NUP188: variants seen among roughly 807,000 people sequenced by gnomAD.
NUP188 encodes the protein nucleoporin 188.
NUP188 carries 97 observed loss-of-function variants against 223.0 expected under a neutral mutation model. The ratio of observed to expected loss-of-function variants is 0.43; its 90% CI spans 0.37 to 0.51. The LOEUF is 0.51. NUP188 is among the 20% of genes least tolerant of loss of function. The pLI, the probability that NUP188 is intolerant of heterozygous loss-of-function variation, is 0.00. For missense variants in NUP188, 1,947 were observed against 2,175.6 expected (o/e 0.89, Z 2.09); for synonymous variants, 869 against 828.0 (o/e 1.05, Z -0.85).
At chr9:128,975,819 A>T (rs370676771) in intron 12 of NUP188, among the ~76,000 whole-genome samples, 1 of 142,482 alleles carries the variant, frequency 7.0e-6, no homozygotes, top group Non-Finnish European at 1.5e-5. Flanking sequence ...CACCAGGCCT[A>T]TGTTTATTTT....
chr9:128,973,074 G>T, intron 11 of NUP188, 86 bp from the exon 12 acceptor site: 1 of 698,782 alleles, frequency 1.4e-6, no homozygotes, highest in East Asian at 2.9e-5. Context: ...TGTTTACAAA[G>T]AATATATGAA....
chr9:128,952,838 A>T lies in NUP188; in HGVS notation c.153A>T (p.Lys51Asn). The change falls in exon 3 of 44, where the codon AAA becomes AAT. Residue 51 changes from lysine to asparagine, a missense_variant. Lys to Asn is a moderately conservative substitution (Grantham distance 94). Coordinates refer to ENST00000372577, the MANE Select transcript of NUP188 (RefSeq NM_015354.3). ...TGTTAGAGGGGCTTTCTTACTACAA[A>T]CCTCCCAGGTATGGCAGTTCCGGGT... is the stretch of plus-strand genomic sequence containing the variant. ...RRLLEGLSYY[K>N]PPSPSSAEKV... is the part of the protein sequence containing the mutation. 6.2e-7 allele frequency: 1 copy of T among 1,613,316 alleles called. No homozygotes were observed. The highest frequency in any genetic ancestry group is 1.7e-4 in the Middle Eastern group (1 of 6,060).
chr9:128,986,525 G>A (rs1842335268), intron 20 of NUP188, 33 bp from the exon 21 acceptor site: 1 of 1,602,750 alleles, frequency 6.2e-7, no homozygotes, highest in Middle Eastern at 1.7e-4. Context: ...TTCCTTAAAT[G>A]TGCGGAAGTC....
chr9:128,952,674 G>A (rs181186892), intron 2 of NUP188, 99 bp from the exon 3 acceptor site: 10 of 968,852 alleles, frequency 1.0e-5, no homozygotes, highest in African/African-American at 1.6e-5. Flanking sequence ...AGTCAGCCAA[G>A]TTGGTGCCAC....
intron 6 of NUP188, 128 bp downstream of exon 6, chr9:128,958,182 A>G (rs1841897583): frequency 1.5e-6 from 1 of 662,028 alleles, no homozygotes; most frequent in Non-Finnish European, 2.6e-6. Flanking sequence ...ATGAAGAAGC[A>G]TATTAACTCA....
At chr9:128,967,112 A>G (rs1242211534) in intron 8 of NUP188, among the ~76,000 whole-genome samples, 1 of 151,704 alleles carries the variant, frequency 6.6e-6, no homozygotes, top group Non-Finnish European at 1.5e-5. Context: ...AGCTCAAGTG[A>G]CTCTCCTGCC....
rs766446813 is a variant in NUP188, at chr9:128,986,789, C to CT, written c.2198-19dup. On this transcript the variant is annotated intron_variant, in intron 21 of 43. Transcript: ENST00000372577. ...CATTTCACAAGGCCACATCATTCCT[C>CT]TGTCTTTTCTGGAGTCCAGGTTGCC... The CT allele has an allele frequency of 3.7e-6, 6 of 1,613,962 alleles. No individual in the cohort carries two copies. The highest frequency in any genetic ancestry group is 1.7e-5 in the Admixed American group (1 of 60,000).
In NUP188 at chr9:128,993,578, T is replaced by C; in HGVS notation, c.2901T>C (p.Asp967=). The change falls in exon 27 of 44, where the codon GAT becomes GAC. Residue 967 remains aspartate (D), a synonymous_variant. Coordinates refer to ENST00000372577, the MANE Select transcript of NUP188 (RefSeq NM_015354.3). ...SCLHAVLELI[D]SQQQDRYWCP... ...TCCATGCAGTGCTGGAGCTGATTGA[T>C]TCCCAACAGCAAGATCGATACTGGT... 1 of 1,614,176 alleles carries C rather than the reference T, an allele frequency of 6.2e-7. No individual in the cohort carries two copies. Among genetic ancestry groups the C allele is most frequent in the Non-Finnish European group, 8.5e-7 (1 of 1,180,014 alleles).
At chr9:128,979,385 CT>C in intron 13 of NUP188, 58 bp downstream of exon 13, 1 of 1,309,634 alleles carries the variant, frequency 7.6e-7, no homozygotes. Flanking sequence ...CACTTGTTTT[CT>C]TACAGGTTTT....
rs754455830 is a variant in NUP188 at position 128,956,337 on chromosome 9, G to A, written c.162-13G>A. On this transcript the variant is annotated splice_polypyrimidine_tract_variant and intron_variant, in intron 3 of 43. Coordinates refer to ENST00000372577, the MANE Select transcript of NUP188 (RefSeq NM_015354.3). Reference sequence around the variant, plus strand: ...ATTGAGAATGAAGAAATGATTCACTGTTCTTTTTGTAGTCCAAGTTCAGCT... The same window carrying A: ...ATTGAGAATGAAGAAATGATTCACTATTCTTTTTGTAGTCCAAGTTCAGCT... 6.7e-7 allele frequency: 1 copy of A among 1,503,058 alleles called. No individual in the cohort carries two copies. Among genetic ancestry groups the A allele is most frequent in the South Asian group, 1.3e-5 (1 of 79,124 alleles). The allele number at this position is 1,503,058 out of a possible 1,614,324, so 93.1% of individuals were successfully genotyped here. A position where few individuals can be genotyped will look rare whatever the true frequency, so the allele number is the denominator to read the frequency against.
chr9:128,977,440 A>G (rs1842191769), intron 12 of NUP188, among the ~76,000 whole-genome samples: 1 of 152,112 alleles, frequency 6.6e-6, no homozygotes, highest in South Asian at 2.1e-4. Flanking sequence ...TTTTAAAGAA[A>G]TCATTCAGTG....
At chr9:128,972,148 C>A (rs969976221) in intron 11 of NUP188, among the ~76,000 whole-genome samples, 9 of 152,228 alleles carry the variant, frequency 5.9e-5, no homozygotes, top group African/African-American at 1.9e-4. Flanking sequence ...AAAACATACA[C>A]ACAGACCTTT....
intron 8 of NUP188, among the ~76,000 whole-genome samples, chr9:128,966,968 TAATG>T (rs913699527): frequency 5.3e-5 from 8 of 152,196 alleles, no homozygotes; most frequent in African/African-American, 1.9e-4. Flanking sequence ...CATATCCACA[TAATG>T]AATTATTATG....
intron 8 of NUP188, chr9:128,964,172 G>A (rs911684898): frequency 1.5e-5 from 4 of 258,742 alleles, no homozygotes; most frequent in East Asian, 1.2e-4. Flanking sequence ...ATCTTTTCAC[G>A]TGCTTATTTA....
At chr9:128,962,221 C>T (rs528377890) in intron 8 of NUP188, among the ~76,000 whole-genome samples, 1 of 151,450 alleles carries the variant, frequency 6.6e-6, no homozygotes, top group Non-Finnish European at 1.5e-5. Context: ...GGTGGTGAGC[C>T]ATTGCACCTG....
rs1433090728 is a variant in NUP188, at chr9:128,949,202, C to T, written c.46C>T (p.Leu16=). Residue 16 remains leucine, a synonymous_variant, in exon 2 of 44, where the codon CTG becomes TTG. Transcript: ENST00000372577. The part of the protein sequence containing the change: ...GGPCVRSSRE[L]WTILLGRSAL... ...CTCATTTTGCAGGAGCAGTAGAGAA[C>T]TGTGGACTATTCTGCTTGGAAGGTC... is the stretch of plus-strand genomic sequence containing the variant. 1.9e-6 allele frequency: 3 copies of T among 1,613,016 alleles called. No homozygotes were observed. The African/African-American group carries it at 4.0e-5, about 22-fold the overall frequency.
intron 11 of NUP188, 68 bp from the exon 12 acceptor site, chr9:128,973,092 G>C (rs929829291): frequency 2.1e-5 from 20 of 940,912 alleles, no homozygotes; most frequent in Middle Eastern, 2.3e-4. Context: ...GAATGCGATA[G>C]GATTATGCCG....
intron 22 of NUP188, among the ~76,000 whole-genome samples, 188 bp downstream of exon 22, chr9:128,987,063 ATGAGAG>A (rs1283472136): frequency 1.2e-5 from 1 of 84,482 alleles, no homozygotes; most frequent in Non-Finnish European, 2.6e-5. Context: ...AGAAGTAGGA[ATGAGAG>A]AGAGAGAGAG....
intron 2 of NUP188, among the ~76,000 whole-genome samples, chr9:128,952,394 G>A (rs1384422168): frequency 2.9e-5 from 4 of 136,372 alleles, no homozygotes; most frequent in African/African-American, 1.1e-4. Context: ...GTGAGACTCC[G>A]TCTCAAAAAA....
Sources: allele counts gnomAD v4.1 joint callset (sites outside exome capture counted in the v4.1 genomes callset), GRCh38; gene constraint gnomAD v4.1.1; transcripts MANE v1.5; gene names NCBI Gene and HGNC (gene_info 2026-07-23, HGNC 2026-07-21).